SLC24A2: variants seen among roughly 807,000 people sequenced by gnomAD.
SLC24A2 encodes the protein solute carrier family 24 member 2.
A neutral mutation model predicts 62.0 loss-of-function variants in SLC24A2; 36 were observed. The observed-to-expected ratio is 0.58, with a 90% CI of 0.44 to 0.77. SLC24A2 has a LOEUF of 0.77. SLC24A2 is among the 30% of genes least tolerant of loss of function. SLC24A2 has a pLI of 0.00. For synonymous variants in SLC24A2, 358 were observed against 294.0 expected (o/e 1.22, Z -2.23); for missense variants, 846 against 817.9 (o/e 1.03, Z -0.42).
the SLC24A2 span, among the ~76,000 whole-genome samples, chr9:20,109,561 C>T: frequency 2.0e-5 from 3 of 152,138 alleles, no homozygotes; most frequent in Non-Finnish European, 2.9e-5. Context: ...TAATGAACAT[C>T]CCTTGGGAGA....
At chr9:20,124,823 C>T in the SLC24A2 span, among the ~76,000 whole-genome samples, 1 of 152,178 alleles carries the variant, frequency 6.6e-6, no homozygotes, top group Non-Finnish European at 1.5e-5. Flanking sequence ...GGCTTTATTA[C>T]TTTCAGAAGA....
intron 2 of SLC24A2, among the ~76,000 whole-genome samples, chr9:19,733,776 T>C (rs1055041771): frequency 3.9e-5 from 6 of 152,192 alleles, no homozygotes; most frequent in African/African-American, 1.4e-4. Context: ...ACCTCTGACC[T>C]ACGTTTGTGG....
the SLC24A2 span, among the ~76,000 whole-genome samples, chr9:20,103,052 G>C: frequency 6.6e-6 from 1 of 152,292 alleles, no homozygotes; most frequent in African/African-American, 2.4e-5. Flanking sequence ...TATATCCCAC[G>C]CCTGGCTTGG....
the SLC24A2 span, among the ~76,000 whole-genome samples, chr9:19,866,809 G>A: frequency 6.6e-6 from 1 of 151,608 alleles, no homozygotes; most frequent in Admixed American, 6.6e-5. Context: ...GCTAATTTTT[G>A]TATTTTTAGT....
At chr9:19,713,986 G>T (rs1757380676) in intron 2 of SLC24A2, among the ~76,000 whole-genome samples, 1 of 152,106 alleles carries the variant, frequency 6.6e-6, no homozygotes, top group Non-Finnish European at 1.5e-5. Flanking sequence ...CTACAACCTG[G>T]ATCTAGCCAA....
the SLC24A2 span, among the ~76,000 whole-genome samples, chr9:20,008,902 C>G: frequency 2.6e-5 from 4 of 152,146 alleles, no homozygotes; most frequent in Non-Finnish European, 5.9e-5. Context: ...CACTCTCCCC[C>G]ACAGAAATCC....
At chr9:19,788,400 C>T in intron 1 of SLC24A2, 1 of 630,042 alleles carries the variant, frequency 1.6e-6, no homozygotes, top group Non-Finnish European at 2.0e-6. Context: ...GAAAACCCAC[C>T]GCTCGTCTCC....
At chr9:20,218,612 G>C in the SLC24A2 span, among the ~76,000 whole-genome samples, 162 of 152,232 alleles carry the variant, frequency 1.1e-3, 1 homozygote, top group African/African-American at 3.7e-3. Context: ...TTGTTCCTTG[G>C]AGTGCTAATG....
rs550115199 is a variant in SLC24A2 at position 19,561,218 on chromosome 9, C to T, written c.1348-10950G>A. Among the ~76,000 whole-genome samples the T allele has an allele frequency of 3.9e-5, 6 of 152,232 alleles. No homozygotes were observed. In the East Asian group the frequency reaches 1.2e-3, roughly 29 times the overall value. ...GTGCTGGGATTACAGGCGTGAGCCA[C>T]CACACCTGGCCTGTATTTGTATTTT... On this transcript the variant is annotated intron_variant, in intron 7 of 10. Transcript: ENST00000341998.
the SLC24A2 span, among the ~76,000 whole-genome samples, chr9:20,191,953 T>C: frequency 5.3e-5 from 8 of 152,248 alleles, no homozygotes; most frequent in African/African-American, 1.4e-4. Context: ...TAAGATGCTA[T>C]GCACAGAGGG....
chr9:19,786,149 G>T lies in SLC24A2; in HGVS notation c.718C>A (p.Arg240=). 1 of 1,614,138 alleles carries T rather than the reference G, an allele frequency of 6.2e-7. No individual in the cohort carries two copies. The highest frequency in any genetic ancestry group is 8.5e-7 in the Non-Finnish European group (1 of 1,180,028). ...ILNLTWWPLF[R]DVSFYIVDLI... is the part of the protein sequence containing the mutation. ...TCAACAATGTAGAAAGACACATCTC[G>T]AAAGAGCGGCCACCATGTCAGGTTT... Residue 240 remains arginine (R), a synonymous_variant, in exon 2 of 11, where the codon CGA becomes AGA. Transcript: ENST00000341998. The surrounding 1 kb of genome is among the most constrained non-coding windows in gnomAD (Gnocchi z 5.0).
the SLC24A2 span, among the ~76,000 whole-genome samples, chr9:20,011,394 T>C: frequency 3.3e-5 from 5 of 152,194 alleles, no homozygotes; most frequent in Admixed American, 3.3e-4. Context: ...GTCTTTTGGC[T>C]GCATAAATGT....
At chr9:19,820,030 T>TAAATATATAC in the SLC24A2 span, among the ~76,000 whole-genome samples, 1 of 26,568 alleles carries the variant, frequency 3.8e-5, no homozygotes, top group Non-Finnish European at 1.5e-4. Flanking sequence ...TATATACACA[T>TAAATATATAC]ATATATATAT....
chr9:19,794,133 C>G, the SLC24A2 span, among the ~76,000 whole-genome samples: 1 of 152,184 alleles, frequency 6.6e-6, no homozygotes, highest in African/African-American at 2.4e-5. Context: ...GCACTTAAGG[C>G]CAACCCCTAC....
the SLC24A2 span, among the ~76,000 whole-genome samples, chr9:20,286,307 A>C: frequency 1.3e-5 from 2 of 152,222 alleles, no homozygotes; most frequent in Non-Finnish European, 2.9e-5. Context: ...GACCAGGGCT[A>C]TGAGGCAGCT....
the SLC24A2 span, among the ~76,000 whole-genome samples, chr9:20,097,112 C>T: frequency 6.6e-6 from 1 of 152,140 alleles, no homozygotes; most frequent in South Asian, 2.1e-4. Context: ...CCAATGTCCA[C>T]CCTACATCCT....
chr9:20,278,468 T>G, the SLC24A2 span, among the ~76,000 whole-genome samples: 1 of 152,162 alleles, frequency 6.6e-6, no homozygotes, highest in Non-Finnish European at 1.5e-5. Flanking sequence ...ACCTCTCAAG[T>G]TCAAAGTTCC....
rs556681939 is a variant in SLC24A2 at position 19,585,968 on chromosome 9, G to A, written c.1130-8946C>T. Among the ~76,000 whole-genome samples, 4 of 152,242 alleles carry A rather than the reference G, an allele frequency of 2.6e-5. No homozygotes were observed. The East Asian group carries it at 7.7e-4, about 29-fold the overall frequency. ...TCACCTTATCGTTAGAAATATGAAC[G>A]TGCTTTTGTAATTGGTCTCCCAGTT... On this transcript the variant is annotated intron_variant, in intron 5 of 10. Coordinates refer to ENST00000341998, the MANE Select transcript of SLC24A2 (RefSeq NM_020344.4).
chr9:19,657,576 T>G (rs933780223), intron 2 of SLC24A2, among the ~76,000 whole-genome samples: 12 of 152,190 alleles, frequency 7.9e-5, no homozygotes, highest in African/African-American at 2.9e-4. Flanking sequence ...TTTGAACAGT[T>G]ATACTTGTTT....
Sources: gnomAD v4.1 joint callset for allele counts (sites outside exome capture counted in the v4.1 genomes callset) on GRCh38, gnomAD v4.1.1 for gene constraint, Gnocchi (gnomAD v3.1) non-coding constraint, MANE v1.5 for transcripts, NCBI Gene and HGNC (gene_info 2026-07-23, HGNC 2026-07-21) for gene names.